PCNX1: variants seen among roughly 807,000 people sequenced by gnomAD.
PCNX1 encodes pecanex 1, also known as pecanex-like protein 1.
A neutral mutation model predicts 242.2 loss-of-function variants in PCNX1; 78 were observed. The observed-to-expected ratio is 0.32, with a 90% confidence interval of 0.27 to 0.39. The LOEUF (loss-of-function observed/expected upper bound fraction) is 0.39, where lower values mean the gene tolerates loss of function less well. PCNX1 is among the 10% of genes least tolerant of loss of function. The pLI is 1.00. For synonymous variants in PCNX1, 1,024 were observed against 1,032.9 expected, an observed-to-expected ratio of 0.99 and a Z score of 0.17; for missense variants, 2,581 against 2,856.5, an observed-to-expected ratio of 0.90 and a Z score of 2.20.
chr14:70,937,603 T>A (rs2057061882), intron 1 of PCNX1, among the ~76,000 whole-genome samples: 1 of 152,180 alleles, frequency 6.6e-6, no homozygotes, highest in African/African-American at 2.4e-5. Context: ...CTTAGGATTG[T>A]CTTGGCAGTG....
At chr14:70,910,916 GGGTAA>G (rs1184905963) in intron 1 of PCNX1, among the ~76,000 whole-genome samples, 1 of 152,192 alleles carries the variant, frequency 6.6e-6, no homozygotes. Flanking sequence ...TGCTAGGAAA[GGGTAA>G]GTAAAGAGGG....
At chr14:70,962,968 G>A (rs757467780) in intron 3 of PCNX1, among the ~76,000 whole-genome samples, 8 of 152,126 alleles carry the variant, frequency 5.3e-5, no homozygotes, top group Non-Finnish European at 8.8e-5. Flanking sequence ...TGTTGGAAAC[G>A]TTCATGGTCT....
At chr14:71,013,262 T>C in intron 11 of PCNX1, 60 bp downstream of exon 11, 2 of 1,266,202 alleles carry the variant, frequency 1.6e-6, no homozygotes, top group Non-Finnish European at 2.3e-6. Context: ...ATGAAGTGTC[T>C]TTAATTACCC....
intron 8 of PCNX1, among the ~76,000 whole-genome samples, chr14:70,997,609 T>C (rs1445572016): frequency 6.6e-6 from 1 of 152,192 alleles, no homozygotes; most frequent in East Asian, 1.9e-4. Flanking sequence ...TCTTGTAATT[T>C]GGATTTTATC....
intron 16 of PCNX1, among the ~76,000 whole-genome samples, chr14:71,030,139 A>G (rs528769182): frequency 2.6e-5 from 4 of 152,258 alleles, no homozygotes; most frequent in African/African-American, 7.2e-5. Context: ...CACAGTGTCA[A>G]ATAGTTTTAC....
chr14:71,033,727 T>C (rs1356347323), intron 17 of PCNX1, among the ~76,000 whole-genome samples, 189 bp downstream of exon 17: 1 of 152,160 alleles, frequency 6.6e-6, no homozygotes, highest in African/African-American at 2.4e-5. Flanking sequence ...GTGTTTTCCT[T>C]CCCAATTATT....
At chr14:70,946,006 C>T (rs1172348418) in intron 1 of PCNX1, among the ~76,000 whole-genome samples, 1 of 152,170 alleles carries the variant, frequency 6.6e-6, no homozygotes, top group African/African-American at 2.4e-5. Context: ...TAGGCCTTGC[C>T]TTCCCAGTGA....
intron 24 of PCNX1, among the ~76,000 whole-genome samples, chr14:71,055,204 A>G (rs560757107): frequency 6.6e-6 from 1 of 152,290 alleles, no homozygotes; most frequent in Admixed American, 6.5e-5. Flanking sequence ...TATACAGTAT[A>G]CATTTTTTTC....
chr14:71,035,104 G>A (rs2060492530), intron 18 of PCNX1, among the ~76,000 whole-genome samples: 2 of 152,096 alleles, frequency 1.3e-5, no homozygotes, highest in African/African-American at 4.8e-5. Flanking sequence ...TCAGCTACTT[G>A]GGAGACTAAG....
Position 71,108,718 on chromosome 14 carries a change from G to A in PCNX1, c.6416G>A (p.Arg2139Gln), listed in dbSNP as rs186035467. 1.5e-5 allele frequency: 24 copies of A among 1,614,166 alleles called. No individual in the cohort carries two copies. Among genetic ancestry groups the A allele is most frequent in the Admixed American group, 8.3e-5 (5 of 60,024 alleles). Reference protein sequence around the residue: ...YCYSSRHSSLRMSTTGFVPCR... With the variant: ...YCYSSRHSSLQMSTTGFVPCR... ...TATAGCAGCCGGCATTCATCCCTCC[G>A]GATGTCCACCACTGGGTTTGTGCCT... The change falls in exon 34 of 36, where the codon CGG (arginine) becomes CAG (glutamine). Residue 2139 changes from arginine to glutamine, a missense_variant. Transcript: ENST00000304743.
intron 3 of PCNX1, among the ~76,000 whole-genome samples, chr14:70,964,437 G>GT (rs1199191027): frequency 2.6e-5 from 4 of 152,064 alleles, no homozygotes; most frequent in African/African-American, 4.8e-5. Context: ...CCTTGATCCT[G>GT]TTTTTTTGTT....
chr14:71,089,092 A>G, intron 29 of PCNX1, 100 bp from the exon 30 acceptor site: 1 of 895,636 alleles, frequency 1.1e-6, no homozygotes, highest in Non-Finnish European at 1.7e-6. Context: ...TGTATTTTCA[A>G]AACACTCCCA....
chr14:70,971,663 A>G (rs1263577321), intron 5 of PCNX1, among the ~76,000 whole-genome samples: 1 of 152,130 alleles, frequency 6.6e-6, no homozygotes, highest in Non-Finnish European at 1.5e-5. Context: ...GAAGATAGGG[A>G]TTGGTGGGGA....
chr14:71,021,333 C>A (rs943414658), intron 12 of PCNX1, among the ~76,000 whole-genome samples: 1 of 152,258 alleles, frequency 6.6e-6, no homozygotes, highest in African/African-American at 2.4e-5. Context: ...TGCATTGAGT[C>A]TGTGAATTAC....
intron 26 of PCNX1, among the ~76,000 whole-genome samples, chr14:71,067,301 G>A (rs1595422369): frequency 6.6e-6 from 1 of 152,110 alleles, no homozygotes; most frequent in East Asian, 1.9e-4. Context: ...CTTGTTATTG[G>A]TCTATTCAGG....
Position 70,978,042 on chromosome 14 carries a change from G to C in PCNX1, c.1705G>C (p.Ala569Pro). ...CAGGAGACGCACAGGAAAAAAACGG[G>C]CTAGCAGTTTTGATTCAAGCCGGCA... The part of the protein sequence containing the change: ...SGRRRTGKKR[A>P]SSFDSSRHRD... Residue 569 changes from alanine (A) to proline (P), a missense_variant, in exon 6 of 36, where the codon GCT (alanine) becomes CCT (proline). Ala to Pro is a conservative substitution (Grantham distance 27, BLOSUM62 -1). This residue lies in a region of PCNX1 where 1,204 missense variants were observed against 1,216.7 expected (regional missense o/e 0.99). Coordinates refer to ENST00000304743, the MANE Select transcript of PCNX1 (RefSeq NM_014982.3). 8 of 1,614,074 alleles carry C rather than the reference G, an allele frequency of 5.0e-6. No homozygotes were observed. Among genetic ancestry groups the C allele is most frequent in the Non-Finnish European group, 6.8e-6 (8 of 1,180,018 alleles).
In PCNX1 at chr14:71,019,105, T is replaced by G; in HGVS notation, c.3093T>G (p.Asp1031Glu). 1 of 1,613,502 alleles carries G rather than the reference T, an allele frequency of 6.2e-7. No individual in the cohort carries two copies. The highest frequency in any genetic ancestry group is 8.5e-7 in the Non-Finnish European group (1 of 1,179,628). Reference sequence around the variant, plus strand: ...TTCTCATACAAGGATTCTTCAGAGATATCTGGGTCTTCCAGTTCTGCCTCG... The same window carrying G: ...TTCTCATACAAGGATTCTTCAGAGAGATCTGGGTCTTCCAGTTCTGCCTCG... ...SILLIQGFFRDIWVFQFCLVI... is the reference protein window; with the variant it reads ...SILLIQGFFREIWVFQFCLVI... Residue 1031 changes from aspartate to glutamate, a missense_variant, in exon 12 of 36, where the codon GAT becomes GAG. By Grantham distance (45) the Asp-to-Glu change is conservative. This residue lies in a region of PCNX1 where 55 missense variants were observed against 49.8 expected (regional missense o/e 1.10). Coordinates refer to ENST00000304743, the MANE Select transcript of PCNX1 (RefSeq NM_014982.3).
intron 1 of PCNX1, among the ~76,000 whole-genome samples, chr14:70,932,114 CA>C (rs749536988): frequency 6.6e-6 from 1 of 152,132 alleles, no homozygotes; most frequent in Non-Finnish European, 1.5e-5. Context: ...GCAACAAGAG[CA>C]AAACTCCATC....
Position 71,073,828 on chromosome 14 carries a change from G to A in PCNX1, c.5106+30G>A, listed in dbSNP as rs566536140. 16 of 1,501,510 alleles carry A rather than the reference G, an allele frequency of 1.1e-5. No individual in the cohort carries two copies. The African/African-American group carries it at 2.2e-4, about 21-fold the overall frequency. 93.0% of individuals were successfully genotyped at this position (1,501,510 alleles called of 1,614,324 possible). A position where few individuals can be genotyped will look rare whatever the true frequency, so the allele number is the denominator to read the frequency against. On this transcript the variant is annotated intron_variant, in intron 27 of 35. Coordinates refer to ENST00000304743, the MANE Select transcript of PCNX1 (RefSeq NM_014982.3). ...GAGTATGTGCCTACTTAGATCTTTA[G>A]ATAATCAGAGTTTCTTCTTGGGAAT...
Sources: gnomAD v4.1 joint callset for allele counts (sites outside exome capture counted in the v4.1 genomes callset) on GRCh38, gnomAD v4.1.1 for gene constraint, gnomAD v4.1.1 regional missense constraint, MANE v1.5 for transcripts, NCBI Gene and HGNC (gene_info 2026-07-23, HGNC 2026-07-21) for gene names.